AGAP1: variants seen among roughly 807,000 people sequenced by gnomAD.
AGAP1 encodes ArfGAP with GTPase domain, ankyrin repeat and PH domain 1, also known as arf-GAP with GTPase, ANK repeat and PH domain-containing protein 1.
AGAP1 carries 29 observed loss-of-function variants against 105.3 expected under a neutral mutation model. The observed-to-expected ratio is 0.28, with a 90% CI of 0.21 to 0.38. The LOEUF (loss-of-function observed/expected upper bound fraction) is 0.38, where lower values mean the gene tolerates loss of function less well. Among genes scored for constraint, AGAP1 ranks in the 10% least tolerant of loss-of-function variants. AGAP1 has a pLI of 1.00. For synonymous variants in AGAP1, 509 were observed against 485.9 expected, an observed-to-expected ratio of 1.05 and a Z score of -0.63; for missense variants, 998 against 1,165.1, an observed-to-expected ratio of 0.86 and a Z score of 2.09.
chr2:235,913,160 T>G (rs973260670), intron 11 of AGAP1, among the ~76,000 whole-genome samples: 1 of 152,184 alleles, frequency 6.6e-6, no homozygotes, highest in Admixed American at 6.5e-5. Flanking sequence ...TTTAAGCTAT[T>G]TAGAAAACCT....
chr2:235,693,309 C>T (rs1279643991), intron 1 of AGAP1, among the ~76,000 whole-genome samples: 2 of 152,114 alleles, frequency 1.3e-5, no homozygotes, highest in Non-Finnish European at 1.5e-5. Context: ...AAGCTATCCC[C>T]AAGTAGGCAC....
Position 235,739,874 on chromosome 2 carries a change from C to T in AGAP1, c.311-1089C>T, listed in dbSNP as rs371530910. On this transcript the variant is annotated intron_variant, in intron 3 of 17. Coordinates refer to ENST00000304032, the MANE Select transcript of AGAP1 (RefSeq NM_001037131.3). The surrounding 1 kb of genome is among the most constrained non-coding windows in gnomAD (Gnocchi z 5.3). ...TCCCGTCGCAGGGGAGGGAATCAGA[C>T]GTCGCTCTGGGCGGCAGTGGAGCTG... Among the ~76,000 whole-genome samples, 1 of 152,184 alleles carries T rather than the reference C, an allele frequency of 6.6e-6. No homozygotes were observed. The highest frequency in any genetic ancestry group is 1.5e-5 in the Non-Finnish European group (1 of 68,018).
At chr2:235,498,444 G>A (rs867135483) in intron 1 of AGAP1, among the ~76,000 whole-genome samples, 1 of 152,124 alleles carries the variant, frequency 6.6e-6, no homozygotes, top group Non-Finnish European at 1.5e-5. Context: ...GTCGTCTCTG[G>A]AGCCTCCGCA....
At chr2:235,525,291 A>G (rs927725252) in intron 1 of AGAP1, among the ~76,000 whole-genome samples, 9 of 151,914 alleles carry the variant, frequency 5.9e-5, no homozygotes, top group African/African-American at 2.2e-4. Context: ...AATGTGGAGG[A>G]CTGATACATA....
At chr2:235,759,335 A>AT (rs1053272004) in intron 6 of AGAP1, among the ~76,000 whole-genome samples, 11 of 150,648 alleles carry the variant, frequency 7.3e-5, no homozygotes, top group East Asian at 4.0e-4. Context: ...CGCCCGGCTA[A>AT]TTTTTTTGTA....
At chr2:235,932,866 G>A (rs2052790366) in intron 12 of AGAP1, among the ~76,000 whole-genome samples, 1 of 152,230 alleles carries the variant, frequency 6.6e-6, no homozygotes, top group African/African-American at 2.4e-5. Context: ...GAAGTGGGCT[G>A]CATTGTCTGC....
At position 235,930,706 on chromosome 2, in the gene AGAP1, G is replaced by T; in HGVS notation, c.1325-59G>T. ...GCGTGTGGGTCCCATAGACTAACTC[G>T]CGCTGGTTTCTGTGGTCTGCAGTCC... On this transcript the variant is annotated intron_variant, in intron 11 of 17. Transcript: ENST00000304032. The surrounding 1 kb of genome is among the most constrained non-coding windows in gnomAD (Gnocchi z 7.9). 6.4e-7 allele frequency: 1 copy of T among 1,551,356 alleles called. No homozygotes were observed. The highest frequency in any genetic ancestry group is 8.7e-7 in the Non-Finnish European group (1 of 1,142,988).
chr2:235,839,852 G>A (rs1394068675), intron 9 of AGAP1, among the ~76,000 whole-genome samples: 2 of 152,104 alleles, frequency 1.3e-5, no homozygotes, highest in Non-Finnish European at 2.9e-5. Context: ...AAGACATTTT[G>A]GTAGCCTGAT....
intron 2 of AGAP1, among the ~76,000 whole-genome samples, chr2:235,711,166 G>C (rs981731546): frequency 3.3e-5 from 5 of 152,376 alleles, no homozygotes; most frequent in Admixed American, 3.3e-4. Flanking sequence ...CCATGTGGCT[G>C]TTGAGTGATT....
intron 1 of AGAP1, among the ~76,000 whole-genome samples, chr2:235,693,858 A>C (rs1949863597): frequency 6.6e-6 from 1 of 152,174 alleles, no homozygotes; most frequent in Non-Finnish European, 1.5e-5. Flanking sequence ...CTGTGAGTTG[A>C]TCCTCAGCCC....
At chr2:235,825,914 C>T (rs1959036241) in intron 9 of AGAP1, among the ~76,000 whole-genome samples, 1 of 152,138 alleles carries the variant, frequency 6.6e-6, no homozygotes. Flanking sequence ...AGACCTTATT[C>T]TCCACAGTGT....
At chr2:235,673,641 T>C (rs886818221) in intron 1 of AGAP1, among the ~76,000 whole-genome samples, 1 of 152,226 alleles carries the variant, frequency 6.6e-6, no homozygotes, top group Non-Finnish European at 1.5e-5. Flanking sequence ...TGAAAAGAAG[T>C]TCCATTCTCA....
chr2:235,762,296 A>T (rs545363964), intron 6 of AGAP1, among the ~76,000 whole-genome samples: 1 of 152,254 alleles, frequency 6.6e-6, no homozygotes, highest in African/African-American at 2.4e-5. Flanking sequence ...AACCTCAGAA[A>T]GGGTGGCTTT....
At chr2:235,661,363 G>A (rs893542356) in intron 1 of AGAP1, among the ~76,000 whole-genome samples, 5 of 152,140 alleles carry the variant, frequency 3.3e-5, no homozygotes, top group Non-Finnish European at 7.3e-5. Context: ...GTGATTGAGG[G>A]TACAGGGTCC....
At chr2:235,595,041 C>T (rs771631783) in intron 1 of AGAP1, among the ~76,000 whole-genome samples, 2 of 152,094 alleles carry the variant, frequency 1.3e-5, no homozygotes, top group African/African-American at 2.4e-5. Context: ...GACGGAATGA[C>T]CCAGGTGAGG....
intron 16 of AGAP1, among the ~76,000 whole-genome samples, chr2:236,065,399 C>T (rs1040276411): frequency 1.3e-5 from 2 of 152,178 alleles, no homozygotes; most frequent in Admixed American, 6.5e-5. Context: ...ACACTCGCCC[C>T]GTGGGCGGTT....
chr2:235,909,847 C>G (rs376553179), intron 11 of AGAP1, among the ~76,000 whole-genome samples: 1 of 152,086 alleles, frequency 6.6e-6, no homozygotes, highest in Admixed American at 6.6e-5. Flanking sequence ...CTGGTGAAAC[C>G]CCGTCTCTAC....
At chr2:236,052,517 A>C (rs552287240) in intron 16 of AGAP1, among the ~76,000 whole-genome samples, 1 of 152,346 alleles carries the variant, frequency 6.6e-6, no homozygotes, top group East Asian at 1.9e-4. Flanking sequence ...AATTGGTTCC[A>C]GTTAATCTCT....
In AGAP1 at chr2:235,764,669, GGTGGGGGC is replaced by G. The variant is rs1173205331; in HGVS notation, c.673+14182_673+14189del. The stretch of plus-strand genomic sequence containing the variant: ...TGGGGGCACCTGGGAGCGCCCGTGG[GGTGGGGGC>G]ATCTGGGAGCGCCCGTGGGGTGGGG... On this transcript the variant is annotated intron_variant, in intron 6 of 17. Transcript: ENST00000304032. Among the ~76,000 whole-genome samples the G allele has an allele frequency of 3.8e-4, 57 of 150,496 alleles. 1 individual carries two copies. The East Asian group carries it at 4.6e-3, about 12-fold the overall frequency.
Sources: allele counts gnomAD v4.1 joint callset (sites outside exome capture counted in the v4.1 genomes callset), GRCh38; gene constraint gnomAD v4.1.1; non-coding constraint Gnocchi (gnomAD v3.1); transcripts MANE v1.5; gene names NCBI Gene and HGNC (gene_info 2026-07-23, HGNC 2026-07-21).